Variants in CSAD observed in about 807,000 individuals in gnomAD.
CSAD encodes P-selectin cytoplasmic tail-associated protein.
Under a neutral mutation model 61.5 loss-of-function variants are expected in CSAD, and 47 were observed. The observed-to-expected ratio is 0.76, with a 90% CI of 0.60 to 0.97. CSAD has a LOEUF of 0.97. CSAD is among the 50% of genes least tolerant of loss of function. The pLI is 0.00. For missense variants in CSAD, 611 were observed against 643.6 expected (o/e 0.95, Z 0.55); for synonymous variants, 245 against 252.7 (o/e 0.97, Z 0.29).
chr12:53,167,926 A>G (rs1940113251), intron 10 of CSAD, among the ~76,000 whole-genome samples: 2 of 152,226 alleles, frequency 1.3e-5, no homozygotes, highest in Admixed American at 6.6e-5. Context: ...ATCTGTATAC[A>G]AATGTTCATA....
rs1188606111 is a variant in CSAD, at chr12:53,173,325, A to T, written c.126+20T>A. 1.2e-6 allele frequency: 2 copies of T among 1,605,110 alleles called. No homozygotes were observed. ...AAAGAAAGAAAGCTTGATGGGAAGG[A>T]GGAGGAAGAAAGGACTCACCTTCTG... On this transcript the variant is annotated intron_variant, in intron 4 of 16. Coordinates refer to ENST00000444623, the MANE Select transcript of CSAD (RefSeq NM_001244705.2).
At chr12:53,165,759 GT>G (rs1939861580) in intron 10 of CSAD, among the ~76,000 whole-genome samples, 1 of 151,896 alleles carries the variant, frequency 6.6e-6, no homozygotes, top group Non-Finnish European at 1.5e-5. Context: ...ATGTAAACTG[GT>G]ACAGCCACTA....
rs2121381101 is a variant in CSAD at position 53,159,999 on chromosome 12, G to C, written c.1167-61C>G. 4 of 1,599,860 alleles carry C rather than the reference G, an allele frequency of 2.5e-6. No homozygotes were observed. The South Asian group carries it at 4.4e-5, about 18-fold the overall frequency. On this transcript the variant is annotated intron_variant, in intron 14 of 16. Coordinates refer to ENST00000444623, the MANE Select transcript of CSAD (RefSeq NM_001244705.2). ...GAAAAGCAGAGATCCAGACAGAAGAGGCCCACGTAGAATGAGCCACAGAGA... is the reference window on the plus strand; with the variant it reads ...GAAAAGCAGAGATCCAGACAGAAGACGCCCACGTAGAATGAGCCACAGAGA...
chr12:53,171,416 AGC>A lies in CSAD; in HGVS notation c.475_476del (p.Ala159CysfsTer55), dbSNP rs751749224. 26 of 1,613,904 alleles carry A rather than the reference AGC, an allele frequency of 1.6e-5. No homozygotes were observed. In the Middle Eastern group the frequency reaches 5.0e-4, roughly 31 times the overall value. Reference protein sequence around the residue: ...CPGGSISNMYAVNLARYQRYP... With the variant: ...CPGGSISNMYXVNLARYQRYP... ...AGCGCTGATAGCGGGCCAGATTTACAGCATACATGTTGGAGATGGAGCCACCT... is the reference window on the plus strand; with the variant it reads ...AGCGCTGATAGCGGGCCAGATTTACAATACATGTTGGAGATGGAGCCACCT... On this transcript the variant is annotated frameshift_variant, in exon 8 of 17. Transcript: ENST00000444623. LOFTEE classifies it high-confidence loss of function.
rs768920277 is a variant in CSAD at position 53,172,000 on chromosome 12, G to A, written c.345-12C>T. 1.9e-6 allele frequency: 3 copies of A among 1,590,894 alleles called. No individual in the cohort carries two copies. The Admixed American group carries it at 5.0e-5, about 27-fold the overall frequency. On this transcript the variant is annotated splice_polypyrimidine_tract_variant and intron_variant, in intron 6 of 16. Transcript: ENST00000444623. Reference sequence around the variant, plus strand: ...TTTCATATGTGTACCTGCCAGGAGAGAGAACGACGAGAAAGGAGAGATGGG... The same window carrying A: ...TTTCATATGTGTACCTGCCAGGAGAAAGAACGACGAGAAAGGAGAGATGGG...
At chr12:53,161,549 C>A (rs1272454113) in intron 10 of CSAD, among the ~76,000 whole-genome samples, 160 bp from the exon 11 acceptor site, 1 of 151,854 alleles carries the variant, frequency 6.6e-6, no homozygotes, top group Non-Finnish European at 1.5e-5. Flanking sequence ...GCCAGGGACA[C>A]TGAGATTCAA....
At position 53,172,402 on chromosome 12, in the gene CSAD, C is replaced by A. The variant is rs773689080; in HGVS notation, c.288G>T (p.Gly96=). Residue 96 remains glycine (G), a synonymous_variant, in exon 6 of 17, where the codon GGG becomes GGT. Coordinates refer to ENST00000444623, the MANE Select transcript of CSAD (RefSeq NM_001244705.2). ...GCCCGGCCAGAGCATGGGGATCCAACCCAGAGAAGAGCTGGTTGAAGAACC... is the reference window on the plus strand; with the variant it reads ...GCCCGGCCAGAGCATGGGGATCCAAACCAGAGAAGAGCTGGTTGAAGAACC... ...HPRFFNQLFS[G]LDPHALAGRI... is the part of the protein sequence containing the mutation. 1 of 1,614,104 alleles carries A rather than the reference C, an allele frequency of 6.2e-7. No homozygotes were observed. The highest frequency in any genetic ancestry group is 1.1e-5 in the South Asian group (1 of 91,082).
chr12:53,171,636 C>G (rs1318028522), intron 7 of CSAD, 195 bp from the exon 8 acceptor site: 4 of 637,752 alleles, frequency 6.3e-6, no homozygotes, highest in Non-Finnish European at 5.4e-6. Flanking sequence ...CTCTCCACAT[C>G]TGGGGCTGCC....
intron 8 of CSAD, 153 bp downstream of exon 8, chr12:53,171,173 T>G: frequency 8.7e-7 from 1 of 1,154,042 alleles, no homozygotes; most frequent in Non-Finnish European, 1.3e-6. Flanking sequence ...AGCAGTTACT[T>G]GACCTCCTTG....
chr12:53,160,019 C>G (rs748489420), intron 14 of CSAD, 81 bp from the exon 15 acceptor site: 5 of 1,600,276 alleles, frequency 3.1e-6, no homozygotes, highest in Middle Eastern at 1.7e-4. Context: ...GAATGAGCCA[C>G]AGAGAGACCG....
rs1940554805 is a variant in CSAD, at chr12:53,171,350, GGGCGGCAGT to G, written c.534_542del (p.Pro180_Leu182del). On this transcript the variant is annotated inframe_deletion, in exon 8 of 17. Coordinates refer to ENST00000444623, the MANE Select transcript of CSAD (RefSeq NM_001244705.2). The stretch of plus-strand genomic sequence containing the variant: ...CCTCCTTCGATGTGAATAGGGCCAG[GGGCGGCAGT>G]GTGCGGAGGCCCCTCTGCTTGCAAT... The G allele has an allele frequency of 1.2e-6, 2 of 1,613,964 alleles. No homozygotes were observed. Among genetic ancestry groups the G allele is most frequent in the Admixed American group, 3.3e-5 (2 of 60,008 alleles).
Position 53,172,542 on chromosome 12 carries a change from A to G in CSAD, c.233T>C (p.Ile78Thr). The change falls in exon 5 of 17, where the codon ATT becomes ACT. Residue 78 changes from isoleucine (I) to threonine (T), a missense_variant. Transcript: ENST00000444623. ...CCCACCAGTCTTGACACTGTAGCGAATCACAGCCCGACACCGCTCCAGGAT... is the reference window on the plus strand; with the variant it reads ...CCCACCAGTCTTGACACTGTAGCGAGTCACAGCCCGACACCGCTCCAGGAT... Reference protein sequence around the residue: ...KQILERCRAVIRYSVKTGHPR... With the variant: ...KQILERCRAVTRYSVKTGHPR... The G allele has an allele frequency of 1.2e-6, 2 of 1,614,028 alleles. No individual in the cohort carries two copies. The highest frequency in any genetic ancestry group is 1.7e-6 in the Non-Finnish European group (2 of 1,179,980).
intron 1 of CSAD, chr12:53,180,531 C>T: frequency 7.8e-7 from 1 of 1,276,868 alleles, no homozygotes; most frequent in Non-Finnish European, 1.0e-6. Flanking sequence ...AGCGCTCCCT[C>T]CTCCATGCCC....
chr12:53,176,632 C>G (rs573738315), intron 2 of CSAD, among the ~76,000 whole-genome samples: 4 of 149,836 alleles, frequency 2.7e-5, no homozygotes, highest in African/African-American at 9.9e-5. Context: ...GGCAGGAGAA[C>G]GGCGAGAACC....
chr12:53,161,959 C>CA (rs1456229220), intron 10 of CSAD, among the ~76,000 whole-genome samples: 1 of 151,854 alleles, frequency 6.6e-6, no homozygotes, highest in Admixed American at 6.6e-5. Context: ...AAGCCTGCCT[C>CA]AAAAAATATA....
chr12:53,159,878 G>A lies in CSAD; in HGVS notation c.1218+9C>T. ...GGGGCAGGGGCCACAAAATAGAAAGGGGTCCTACCTCCATGACTAGCTCAA... is the reference window on the plus strand; with the variant it reads ...GGGGCAGGGGCCACAAAATAGAAAGAGGTCCTACCTCCATGACTAGCTCAA... On this transcript the variant is annotated intron_variant, in intron 15 of 16. Coordinates refer to ENST00000444623, the MANE Select transcript of CSAD (RefSeq NM_001244705.2). The A allele has an allele frequency of 6.3e-7, 1 of 1,589,578 alleles. No homozygotes were observed. Among genetic ancestry groups the A allele is most frequent in the Non-Finnish European group, 8.6e-7 (1 of 1,166,270 alleles).
chr12:53,159,642 T>C lies in CSAD; in HGVS notation c.1289A>G (p.Tyr430Cys), dbSNP rs1939014279. Residue 430 changes from tyrosine to cysteine, a missense_variant, in exon 16 of 17, where the codon TAC (tyrosine) becomes TGC (cysteine). Physicochemically the swap from Tyr to Cys is radical, Grantham distance 194 (BLOSUM62 -2). Coordinates refer to ENST00000444623, the MANE Select transcript of CSAD (RefSeq NM_001244705.2). ...GCCTACCTTTGACAGCCTTTCGTGG[T>C]AATCTGGACTCTCCTGCTTCCCTCG... The part of the protein sequence containing the change: ...SLRGKQESPD[Y>C]HERLSKVAPV... The C allele has an allele frequency of 6.2e-7, 1 of 1,611,482 alleles. No individual in the cohort carries two copies. The highest frequency in any genetic ancestry group is 2.2e-5 in the East Asian group (1 of 44,868).
At chr12:53,163,959 C>T (rs1393166588) in intron 10 of CSAD, among the ~76,000 whole-genome samples, 6 of 152,202 alleles carry the variant, frequency 3.9e-5, no homozygotes, top group Non-Finnish European at 2.9e-5. Context: ...CTCACATTTA[C>T]AGTCAAGTGA....
intron 13 of CSAD, 40 bp downstream of exon 13, chr12:53,160,722 AG>A: frequency 6.7e-7 from 1 of 1,495,670 alleles, no homozygotes; most frequent in Non-Finnish European, 9.1e-7. Flanking sequence ...GCAGAGCTCC[AG>A]AGAGAGGTGG....
Sources: gnomAD v4.1 joint callset for allele counts (sites outside exome capture counted in the v4.1 genomes callset) on GRCh38, gnomAD v4.1.1 for gene constraint, MANE v1.5 for transcripts, NCBI Gene and HGNC (gene_info 2026-07-23, HGNC 2026-07-21) for gene names.